MAF: variants seen among roughly 807,000 people sequenced by gnomAD.
MAF encodes the protein transcription factor Maf.
MAF carries 10 observed loss-of-function variants against 22.0 expected under a neutral mutation model. The observed-to-expected ratio is 0.45, with a 90% CI of 0.28 to 0.77. MAF has a LOEUF of 0.77. Ranked by LOEUF, MAF falls within the 30% of genes least tolerant of loss-of-function variation. The pLI is 0.12. For missense variants in MAF, 544 were observed against 548.4 expected (o/e 0.99, Z 0.08); for synonymous variants, 337 against 255.8 (o/e 1.32, Z -3.03).
At chr16:79,448,649 G>T in the MAF span, among the ~76,000 whole-genome samples, 1 of 151,680 alleles carries the variant, frequency 6.6e-6, no homozygotes, top group Non-Finnish European at 1.5e-5. Flanking sequence ...CTGGTCTCAA[G>T]CTCCAGACCT....
At chr16:79,529,308 C>A in the MAF span, among the ~76,000 whole-genome samples, 1 of 152,256 alleles carries the variant, frequency 6.6e-6, no homozygotes, top group Non-Finnish European at 1.5e-5. Context: ...GTCTCTACCC[C>A]TCTCTAGCTG....
the MAF span, among the ~76,000 whole-genome samples, chr16:79,518,767 A>G: frequency 3.4e-4 from 52 of 152,344 alleles, no homozygotes; most frequent in Middle Eastern, 3.4e-3. Flanking sequence ...TCTACTAAAA[A>G]TACAAAAATT....
the MAF span, among the ~76,000 whole-genome samples, chr16:79,554,494 T>C: frequency 3.4e-4 from 52 of 152,116 alleles, 1 homozygote; most frequent in Non-Finnish European, 6.0e-4. Context: ...TGATCAGAAT[T>C]CTAGGAATCT....
the MAF span, among the ~76,000 whole-genome samples, chr16:79,210,811 C>T: frequency 3.3e-5 from 5 of 152,120 alleles, no homozygotes; most frequent in African/African-American, 7.2e-5. Context: ...TCACTGCACA[C>T]GTCCCTAGCC....
At chr16:79,354,230 G>A in the MAF span, among the ~76,000 whole-genome samples, 9 of 152,024 alleles carry the variant, frequency 5.9e-5, no homozygotes, top group Non-Finnish European at 1.2e-4. Context: ...TGGCTCAAGT[G>A]ATTCTCCTGC....
chr16:79,496,505 G>T, the MAF span, among the ~76,000 whole-genome samples: 1 of 152,170 alleles, frequency 6.6e-6, no homozygotes, highest in Admixed American at 6.5e-5. Context: ...CTCAGGTTCT[G>T]TTATCACAGC....
the MAF span, among the ~76,000 whole-genome samples, chr16:79,257,154 G>C: frequency 2.6e-5 from 4 of 151,996 alleles, no homozygotes; most frequent in Admixed American, 2.0e-4. Flanking sequence ...TCCAGCCTGG[G>C]TGACACAGCG....
At chr16:79,286,039 G>A in the MAF span, among the ~76,000 whole-genome samples, 1 of 152,144 alleles carries the variant, frequency 6.6e-6, no homozygotes, top group African/African-American at 2.4e-5. Flanking sequence ...AGTTTACAGA[G>A]GAAATGATAA....
At chr16:79,249,418 CAAAAAAAAAA>C in the MAF span, among the ~76,000 whole-genome samples, 2 of 102,484 alleles carry the variant, frequency 2.0e-5, no homozygotes, top group African/African-American at 7.9e-5. Context: ...AACTCCGTTT[CAAAAAAAAAA>C]AAAAAAAAAG....
the MAF span, among the ~76,000 whole-genome samples, chr16:79,518,530 G>T: frequency 1.3e-5 from 2 of 152,338 alleles, no homozygotes; most frequent in South Asian, 2.1e-4. Flanking sequence ...AGCTGCTTTG[G>T]ATGTGATCCT....
At chr16:79,236,230 T>C in the MAF span, among the ~76,000 whole-genome samples, 1 of 152,098 alleles carries the variant, frequency 6.6e-6, no homozygotes, top group Non-Finnish European at 1.5e-5. Flanking sequence ...AGAGGAATAC[T>C]TGAACATCAT....
chr16:79,323,788 CG>C, the MAF span, among the ~76,000 whole-genome samples: 750 of 152,206 alleles, frequency 4.9e-3, 12 homozygotes, highest in African/African-American at 0.018. Context: ...AAGGAAATAA[CG>C]AGGGGACCTG....
chr16:79,562,510 G>A, the MAF span, among the ~76,000 whole-genome samples: 1 of 152,294 alleles, frequency 6.6e-6, no homozygotes, highest in Non-Finnish European at 1.5e-5. Flanking sequence ...AAGGCCCATT[G>A]TCTAACCAGA....
chr16:79,543,110 TAGAC>T, the MAF span, among the ~76,000 whole-genome samples: 1 of 152,216 alleles, frequency 6.6e-6, no homozygotes, highest in African/African-American at 2.4e-5. Flanking sequence ...TGCATTTCAC[TAGAC>T]AAAGTGGGAA....
At chr16:79,514,821 G>T in the MAF span, among the ~76,000 whole-genome samples, 2 of 152,208 alleles carry the variant, frequency 1.3e-5, no homozygotes, top group Admixed American at 1.3e-4. Context: ...TTGGAAGCCA[G>T]ATAAAAGTAT....
the MAF span, among the ~76,000 whole-genome samples, chr16:79,487,511 G>C: frequency 4.6e-5 from 7 of 151,968 alleles, no homozygotes; most frequent in South Asian, 2.1e-4. Context: ...TTGAAAGAAG[G>C]CATTTTTTCT....
the MAF span, among the ~76,000 whole-genome samples, chr16:79,242,706 A>C: frequency 6.6e-6 from 1 of 152,092 alleles, no homozygotes; most frequent in African/African-American, 2.4e-5. Context: ...AAGCAGATCT[A>C]ATAGACATCT....
chr16:79,498,878 G>A, the MAF span, among the ~76,000 whole-genome samples: 1 of 152,106 alleles, frequency 6.6e-6, no homozygotes, highest in Non-Finnish European at 1.5e-5. Flanking sequence ...CTCAGGTGTG[G>A]AGTATACAGA....
the MAF span, among the ~76,000 whole-genome samples, chr16:79,215,043 G>T: frequency 1.3e-5 from 2 of 151,976 alleles, no homozygotes; most frequent in Admixed American, 6.6e-5. Context: ...CTACAGTCTT[G>T]CCAGTTCACC....
Sources: gnomAD v4.1 joint callset for allele counts (sites outside exome capture counted in the v4.1 genomes callset) on GRCh38, gnomAD v4.1.1 for gene constraint, MANE v1.5 for transcripts, NCBI Gene and HGNC (gene_info 2026-07-23, HGNC 2026-07-21) for gene names.